The following KSR2 variants were observed in gnomAD, a reference collection of about 807,000 sequenced individuals.
The protein encoded by KSR2 is kinase suppressor of ras 2.
A neutral mutation model predicts 107.8 loss-of-function variants in KSR2; 25 were observed. The ratio of observed to expected loss-of-function variants is 0.23; its 90% CI spans 0.17 to 0.32. The LOEUF is 0.32. Among genes scored for constraint, KSR2 ranks in the 10% least tolerant of loss-of-function variants. KSR2 has a pLI of 1.00. For missense variants in KSR2, 887 were observed against 1,268.9 expected (o/e 0.70, Z 4.57); for synonymous variants, 480 against 507.0 (o/e 0.95, Z 0.71).
At chr12:117,523,186 C>T (rs945301966) in intron 14 of KSR2, among the ~76,000 whole-genome samples, 1 of 152,222 alleles carries the variant, frequency 6.6e-6, no homozygotes, top group African/African-American at 2.4e-5. Context: ...CTACCAATCA[C>T]CAAGTTCTCA....
rs1044376826 is a variant in KSR2 at position 117,464,152 on chromosome 12, C to T, written c.*3047G>A. ...GAAGCTCCTTGGTTTTATGAATAAT[C>T]TGTATCCTGGAAGAGTTGGGTGAAA... is the stretch of plus-strand genomic sequence containing the variant. On this transcript the variant is annotated 3_prime_UTR_variant, in exon 20 of 20. Coordinates refer to ENST00000339824, the MANE Select transcript of KSR2 (RefSeq NM_173598.6). The T allele has an allele frequency of 6.6e-6, 1 of 152,222 alleles. No homozygotes were observed. Among genetic ancestry groups the T allele is most frequent in the Admixed American group, 6.5e-5 (1 of 15,282 alleles). The allele number at this position is 152,222 out of a possible 1,614,324, so 9.4% of individuals were successfully genotyped here.
chr12:117,847,537 G>A (rs564705695), intron 3 of KSR2, among the ~76,000 whole-genome samples: 67 of 152,316 alleles, frequency 4.4e-4, no homozygotes, highest in African/African-American at 1.4e-3. Context: ...CTGAGCCCCC[G>A]AAGGATTCCC....
intron 5 of KSR2, among the ~76,000 whole-genome samples, chr12:117,664,720 C>T (rs774368077): frequency 1.3e-5 from 2 of 152,062 alleles, no homozygotes; most frequent in African/African-American, 2.4e-5. Context: ...AGGAACTTGC[C>T]GCATTGAAGT....
chr12:117,582,657 C>T (rs1427683761), intron 5 of KSR2, among the ~76,000 whole-genome samples: 3 of 152,148 alleles, frequency 2.0e-5, no homozygotes, highest in Admixed American at 1.3e-4. Context: ...CTAAGTGATT[C>T]GCATGCCTTA....
chr12:117,485,698 A>G lies in KSR2; in HGVS notation c.2220-7T>C. On this transcript the variant is annotated splice_region_variant and splice_polypyrimidine_tract_variant and intron_variant, in intron 14 of 19. Transcript: ENST00000339824. ...CGTCCGTCCCTTACAGAGGCTGAAA[A>G]GCAAAAGGACAAGATAAATTAATGG... is the stretch of plus-strand genomic sequence containing the variant. 1 of 1,603,786 alleles carries G rather than the reference A, an allele frequency of 6.2e-7. No homozygotes were observed. The highest frequency in any genetic ancestry group is 8.5e-7 in the Non-Finnish European group (1 of 1,170,968).
chr12:117,761,442 C>CG lies in KSR2; in HGVS notation c.554dup (p.Glu186GlyfsTer200), dbSNP rs777127484. 1.2e-6 allele frequency: 2 copies of CG among 1,612,304 alleles called. No homozygotes were observed. On this transcript the variant is annotated frameshift_variant, in exon 4 of 20. Coordinates refer to ENST00000339824, the MANE Select transcript of KSR2 (RefSeq NM_173598.6). LOFTEE classifies it high-confidence loss of function. Reference sequence around the variant, plus strand: ...GGGTGCGGATCCACGGGGTGGGCTCCGGGGGGCACACGGGATTGTTCTCCT... The same window carrying CG: ...GGGTGCGGATCCACGGGGTGGGCTCCGGGGGGGCACACGGGATTGTTCTCCT...
At chr12:117,787,611 C>A (rs1158871331) in intron 3 of KSR2, among the ~76,000 whole-genome samples, 1 of 151,744 alleles carries the variant, frequency 6.6e-6, no homozygotes, top group Non-Finnish European at 1.5e-5. Flanking sequence ...CCAGCCTTGG[C>A]AACAGAGCGA....
At chr12:117,703,159 G>T (rs996393966) in intron 4 of KSR2, among the ~76,000 whole-genome samples, 5 of 152,196 alleles carry the variant, frequency 3.3e-5, no homozygotes, top group African/African-American at 7.2e-5. Flanking sequence ...TCTGGAGTCA[G>T]GCCTGGGTTC....
intron 4 of KSR2, among the ~76,000 whole-genome samples, chr12:117,760,726 T>C (rs1446592504): frequency 6.6e-6 from 1 of 152,224 alleles, no homozygotes; most frequent in East Asian, 1.9e-4. Flanking sequence ...AAAGGAATGA[T>C]CATGGGCGTG....
intron 14 of KSR2, 129 bp downstream of exon 14, chr12:117,524,723 T>G: frequency 8.8e-7 from 1 of 1,132,384 alleles, no homozygotes; most frequent in Non-Finnish European, 1.2e-6. Context: ...ACCATGTAAG[T>G]AAACTGTGCA....
rs182215929 is a variant in KSR2, at chr12:117,847,062, C to T, written c.472+8366G>A. Among the ~76,000 whole-genome samples, 148 of 152,336 alleles carry T rather than the reference C, an allele frequency of 9.7e-4. 1 individual carries two copies. Among genetic ancestry groups the T allele is most frequent in the Admixed American group, 4.9e-3 (75 of 15,298 alleles). On this transcript the variant is annotated intron_variant, in intron 3 of 19. Transcript: ENST00000339824. ...TGATGCTATCTACATGTAAGGGATTCCTGAGTGCCTACAGAACAGGAGGGC... is the reference window on the plus strand; with the variant it reads ...TGATGCTATCTACATGTAAGGGATTTCTGAGTGCCTACAGAACAGGAGGGC...
chr12:117,495,497 A>G (rs1009478789), intron 14 of KSR2, among the ~76,000 whole-genome samples: 9 of 152,350 alleles, frequency 5.9e-5, no homozygotes, highest in East Asian at 1.9e-4. Flanking sequence ...ATAGAGTTCC[A>G]TTAAGTAAGG....
chr12:117,517,809 G>A (rs1565880617), intron 14 of KSR2: 2 of 455,182 alleles, frequency 4.4e-6, no homozygotes. Flanking sequence ...ATGTGCTCAG[G>A]CCCCCCAACT....
At chr12:117,923,701 G>A (rs965023702) in intron 1 of KSR2, among the ~76,000 whole-genome samples, 4 of 151,926 alleles carry the variant, frequency 2.6e-5, no homozygotes, top group Admixed American at 2.6e-4. Context: ...ATATGTGTAT[G>A]TGTATATATA....
intron 7 of KSR2, among the ~76,000 whole-genome samples, chr12:117,562,868 G>A (rs1878216187): frequency 6.6e-6 from 1 of 152,158 alleles, no homozygotes; most frequent in South Asian, 2.1e-4. Flanking sequence ...AAAACCCCAA[G>A]GGAAATATCT....
intron 7 of KSR2, among the ~76,000 whole-genome samples, chr12:117,566,125 A>C (rs1592999459): frequency 6.7e-6 from 1 of 150,080 alleles, no homozygotes; most frequent in Non-Finnish European, 1.5e-5. Context: ...CCCTCCTCCC[A>C]CCCTCCTTGC....
intron 4 of KSR2, among the ~76,000 whole-genome samples, chr12:117,737,753 A>G (rs757653592): frequency 1.4e-5 from 2 of 144,604 alleles, no homozygotes; most frequent in Admixed American, 7.1e-5. Context: ...ACTGCACTCC[A>G]GCCTGGGTGA....
chr12:117,958,771 A>T (rs1465572120), intron 1 of KSR2, among the ~76,000 whole-genome samples: 1 of 152,192 alleles, frequency 6.6e-6, no homozygotes, highest in Non-Finnish European at 1.5e-5. Context: ...TAGTGAGCGG[A>T]GATCACGCCA....
At chr12:117,823,193 A>AG (rs1223364191) in intron 3 of KSR2, among the ~76,000 whole-genome samples, 1 of 151,880 alleles carries the variant, frequency 6.6e-6, no homozygotes, top group Non-Finnish European at 1.5e-5. Flanking sequence ...CGAGGTAGGA[A>AG]GGAGTGGACT....
Sources: gnomAD v4.1 joint callset for allele counts (sites outside exome capture counted in the v4.1 genomes callset) on GRCh38, gnomAD v4.1.1 for gene constraint, MANE v1.5 for transcripts, NCBI Gene and HGNC (gene_info 2026-07-23, HGNC 2026-07-21) for gene names.